PKP2: variants seen among roughly 807,000 people sequenced by gnomAD.
PKP2 encodes the protein plakophilin 2.
In PKP2, 73 loss-of-function variants were observed where a neutral mutation model predicts 83.4. The observed-to-expected ratio is 0.88, with a 90% CI of 0.72 to 1.06. The LOEUF (loss-of-function observed/expected upper bound fraction) is 1.06. Ranked by LOEUF, PKP2 falls within the 50% of genes least tolerant of loss-of-function variation. PKP2 has a pLI of 0.00. For synonymous variants in PKP2, 409 were observed against 430.4 expected (o/e 0.95, Z 0.62); for missense variants, 966 against 1,065.4 (o/e 0.91, Z 1.30).
intron 6 of PKP2, among the ~76,000 whole-genome samples, chr12:32,828,988 T>C (rs568648589): frequency 6.6e-6 from 1 of 152,208 alleles, no homozygotes; most frequent in Non-Finnish European, 1.5e-5. Context: ...CAGGCTGTAG[T>C]GCAGTGGCAT....
intron 11 of PKP2, among the ~76,000 whole-genome samples, chr12:32,795,450 G>A (rs936721283): frequency 9.3e-5 from 14 of 151,320 alleles, no homozygotes; most frequent in African/African-American, 2.9e-4. Flanking sequence ...GCACGATCAC[G>A]GCTCATTGCA....
intron 4 of PKP2, among the ~76,000 whole-genome samples, chr12:32,858,132 A>ATATATAT: frequency 2.0e-5 from 2 of 98,334 alleles, no homozygotes; most frequent in African/African-American, 8.5e-5. Flanking sequence ...TATATTTTAT[A>ATATATAT]TTTATATATA....
chr12:32,814,138 A>G (rs1956300578), intron 9 of PKP2, among the ~76,000 whole-genome samples: 1 of 152,032 alleles, frequency 6.6e-6, no homozygotes, highest in South Asian at 2.1e-4. Flanking sequence ...TTTCCCTCAA[A>G]TGCATAAGTC....
intron 4 of PKP2, among the ~76,000 whole-genome samples, chr12:32,861,540 C>T (rs992433462): frequency 6.6e-6 from 1 of 152,046 alleles, no homozygotes; most frequent in Non-Finnish European, 1.5e-5. Context: ...TTGAACTTAT[C>T]TAAAAACACA....
chr12:32,875,471 A>C (rs925478586), intron 3 of PKP2, among the ~76,000 whole-genome samples: 3 of 152,154 alleles, frequency 2.0e-5, no homozygotes, highest in African/African-American at 7.2e-5. Flanking sequence ...ATGGCAGAGA[A>C]GAGTAGAAGG....
At chr12:32,833,436 A>T (rs1302157607) in intron 6 of PKP2, among the ~76,000 whole-genome samples, 1 of 152,144 alleles carries the variant, frequency 6.6e-6, no homozygotes, top group African/African-American at 2.4e-5. Context: ...ACATGGAGAC[A>T]TTCATTTTCC....
chr12:32,793,746 C>T (rs1009715693), intron 11 of PKP2, among the ~76,000 whole-genome samples: 1 of 150,996 alleles, frequency 6.6e-6, no homozygotes, highest in African/African-American at 2.4e-5. Context: ...CAGGCGCATG[C>T]CACCACGCCA....
In PKP2 at chr12:32,790,770, T is replaced by C. The variant is rs1956058151; in HGVS notation, c.*1654A>G. 1 of 152,204 alleles carries C rather than the reference T, an allele frequency of 6.6e-6. No individual in the cohort carries two copies. Among genetic ancestry groups the C allele is most frequent in the African/African-American group, 2.4e-5 (1 of 41,446 alleles). 9.4% of individuals were successfully genotyped at this position (152,204 alleles called of 1,614,324 possible). ...TTTGGTCTCATTTTGTATTTAATAT[T>C]ATCGAAGGCTTTATTAATGCCTTAA... On this transcript the variant is annotated 3_prime_UTR_variant, in exon 13 of 13. Coordinates refer to ENST00000340811, the MANE Select transcript of PKP2 (RefSeq NM_001005242.3).
At chr12:32,808,212 T>G (rs1292339253) in intron 9 of PKP2, among the ~76,000 whole-genome samples, 2 of 152,212 alleles carry the variant, frequency 1.3e-5, no homozygotes, top group Non-Finnish European at 2.9e-5. Context: ...CTTGGAGGTT[T>G]TGTTCATTCC....
At chr12:32,875,700 T>A (rs1368554154) in intron 3 of PKP2, among the ~76,000 whole-genome samples, 1 of 152,030 alleles carries the variant, frequency 6.6e-6, no homozygotes, top group African/African-American at 2.4e-5. Context: ...TCAAGACCCA[T>A]CATAGAAGGA....
intron 6 of PKP2, among the ~76,000 whole-genome samples, chr12:32,829,756 G>T (rs1956481138): frequency 6.6e-6 from 1 of 152,056 alleles, no homozygotes. Flanking sequence ...CGCTGCCCAA[G>T]TTCAACGGGT....
At chr12:32,859,326 T>C (rs553503491) in intron 4 of PKP2, among the ~76,000 whole-genome samples, 44 of 152,342 alleles carry the variant, frequency 2.9e-4, no homozygotes, top group African/African-American at 1.0e-3. Flanking sequence ...TAAGTTCTCA[T>C]TCCACTTTAA....
intron 1 of PKP2, among the ~76,000 whole-genome samples, chr12:32,880,874 C>T (rs1284284462): frequency 2.0e-5 from 3 of 152,114 alleles, no homozygotes; most frequent in African/African-American, 7.2e-5. Context: ...TACTTTCTTA[C>T]ATTTAACTGA....
At chr12:32,796,469 G>C (rs1592726569) in intron 10 of PKP2, among the ~76,000 whole-genome samples, 171 bp from the exon 11 acceptor site, 2 of 152,144 alleles carry the variant, frequency 1.3e-5, no homozygotes, top group Non-Finnish European at 2.9e-5. Flanking sequence ...TGCAAGCTCT[G>C]CCTCCCGGGT....
intron 9 of PKP2, among the ~76,000 whole-genome samples, chr12:32,814,782 G>C (rs1956305540): frequency 6.6e-6 from 1 of 152,064 alleles, no homozygotes; most frequent in Non-Finnish European, 1.5e-5. Flanking sequence ...AAAATTAGCT[G>C]AGCATGGTGG....
chr12:32,794,840 A>C (rs1956106391), intron 11 of PKP2, among the ~76,000 whole-genome samples: 1 of 152,162 alleles, frequency 6.6e-6, no homozygotes, highest in African/African-American at 2.4e-5. Context: ...TCTGACTCTA[A>C]ATGCAGTCTT....
intron 1 of PKP2, among the ~76,000 whole-genome samples, chr12:32,887,283 A>T (rs1957038486): frequency 6.6e-6 from 1 of 152,152 alleles, no homozygotes; most frequent in South Asian, 2.1e-4. Flanking sequence ...GCGACTGACT[A>T]ATCCATTGCT....
In PKP2 at chr12:32,879,140, C is replaced by T. The variant is rs948580733; in HGVS notation, c.224-108G>A. On this transcript the variant is annotated intron_variant, in intron 1 of 12. Coordinates refer to ENST00000340811, the MANE Select transcript of PKP2 (RefSeq NM_001005242.3). ...AACTTTTAAATTTAAGTAATGAAGG[C>T]CAAGAACAAGTATTAAACGTACGTT... 12 of 723,208 alleles carry T rather than the reference C, an allele frequency of 1.7e-5. No individual in the cohort carries two copies. In the African/African-American group the frequency reaches 2.1e-4, roughly 13 times the overall value. 44.8% of individuals were successfully genotyped at this position (723,208 alleles called of 1,614,324 possible). A position where few individuals can be genotyped will look rare whatever the true frequency, so the allele number is the denominator to read the frequency against.
chr12:32,849,772 G>A (rs1418241180), intron 5 of PKP2, among the ~76,000 whole-genome samples: 1 of 152,056 alleles, frequency 6.6e-6, no homozygotes, highest in Non-Finnish European at 1.5e-5. Context: ...ATCAGTATTT[G>A]AACAAAAATG....
Sources: allele counts gnomAD v4.1 joint callset (sites outside exome capture counted in the v4.1 genomes callset), GRCh38; gene constraint gnomAD v4.1.1; transcripts MANE v1.5; gene names NCBI Gene and HGNC (gene_info 2026-07-23, HGNC 2026-07-21).